The following NPAS3 variants were observed in gnomAD, a reference collection of about 807,000 sequenced individuals.
The protein encoded by NPAS3 is neuronal PAS domain protein 3.
Under a neutral mutation model 73.1 loss-of-function variants are expected in NPAS3, and 14 were observed. The ratio of observed to expected loss-of-function variants is 0.19; its 90% CI spans 0.13 to 0.30. The LOEUF (loss-of-function observed/expected upper bound fraction) is 0.30, where lower values mean the gene tolerates loss of function less well. NPAS3 is among the 10% of genes least tolerant of loss of function. The pLI, the probability that NPAS3 is intolerant of heterozygous loss-of-function variation, is 1.00. For synonymous variants in NPAS3, 620 were observed against 541.5 expected (o/e 1.14, Z -2.01); for missense variants, 1,096 against 1,250.0 (o/e 0.88, Z 1.86).
At chr14:33,298,218 G>A (rs1256357533) in intron 3 of NPAS3, among the ~76,000 whole-genome samples, 1 of 152,172 alleles carries the variant, frequency 6.6e-6, no homozygotes, top group Non-Finnish European at 1.5e-5. Flanking sequence ...AGGAGGTGGA[G>A]GTTGCAGTGA....
At chr14:33,670,304 CTCA>C in intron 5 of NPAS3, among the ~76,000 whole-genome samples, 1 of 152,190 alleles carries the variant, frequency 6.6e-6, no homozygotes, top group Non-Finnish European at 1.5e-5. Context: ...TTCATTCTAT[CTCA>C]TCATTCTGAT....
At chr14:33,199,035 T>C (rs987345050) in intron 2 of NPAS3, among the ~76,000 whole-genome samples, 1 of 152,056 alleles carries the variant, frequency 6.6e-6, no homozygotes, top group Non-Finnish European at 1.5e-5. Context: ...CCGCTCCAAG[T>C]GTGGGGCCCG....
At chr14:33,157,820 T>G (rs965565413) in intron 2 of NPAS3, among the ~76,000 whole-genome samples, 1 of 152,316 alleles carries the variant, frequency 6.6e-6, no homozygotes, top group East Asian at 1.9e-4. Flanking sequence ...GGCAAGCTAC[T>G]TAGTATCCCT....
chr14:33,715,743 C>A (rs1419687929), intron 6 of NPAS3, among the ~76,000 whole-genome samples: 1 of 152,194 alleles, frequency 6.6e-6, no homozygotes, highest in Non-Finnish European at 1.5e-5. Context: ...CCACCCAAAT[C>A]TCATCTTAAC....
intron 3 of NPAS3, among the ~76,000 whole-genome samples, chr14:33,227,193 T>G (rs1353459630): frequency 6.6e-6 from 1 of 152,104 alleles, no homozygotes; most frequent in Non-Finnish European, 1.5e-5. Flanking sequence ...CTAAAGTGCT[T>G]TTCATTATAT....
intron 5 of NPAS3, among the ~76,000 whole-genome samples, chr14:33,598,507 T>G (rs796576865): frequency 6.6e-6 from 1 of 152,256 alleles, no homozygotes; most frequent in Admixed American, 6.5e-5. Context: ...ATCCGAGCAG[T>G]AGGCTTTGAA....
At chr14:33,773,364 T>C (rs2062713172) in intron 7 of NPAS3, among the ~76,000 whole-genome samples, 1 of 152,166 alleles carries the variant, frequency 6.6e-6, no homozygotes, top group South Asian at 2.1e-4. Context: ...CCCCACACTA[T>C]AGCAGAGTCG....
At chr14:33,677,466 T>C (rs1442884871) in intron 6 of NPAS3, among the ~76,000 whole-genome samples, 1 of 152,240 alleles carries the variant, frequency 6.6e-6, no homozygotes, top group African/African-American at 2.4e-5. Context: ...TGATCTGTTG[T>C]TTTAAAATAG....
At chr14:33,247,046 A>G (rs1432613242) in intron 3 of NPAS3, among the ~76,000 whole-genome samples, 1 of 151,934 alleles carries the variant, frequency 6.6e-6, no homozygotes, top group Non-Finnish European at 1.5e-5. Flanking sequence ...AAAGAGAAAG[A>G]AAGAAAGAAA....
At position 33,800,235 on chromosome 14, in the gene NPAS3, C is replaced by T; in HGVS notation, c.1928C>T (p.Ala643Val). 1 of 1,613,002 alleles carries T rather than the reference C, an allele frequency of 6.2e-7. No homozygotes were observed. The highest frequency in any genetic ancestry group is 8.5e-7 in the Non-Finnish European group (1 of 1,179,628). Residue 643 changes from alanine to valine, a missense_variant, in exon 12 of 12, where the codon GCC becomes GTC. Physicochemically the swap from Ala to Val is moderately conservative, Grantham distance 64. This residue lies in a region of NPAS3 where 698 missense variants were observed against 676.7 expected (regional missense o/e 1.03). Transcript: ENST00000356141. The surrounding 1 kb of genome is among the most constrained non-coding windows in gnomAD (Gnocchi z 6.5). ...CGGCTGCTGTCCTCCCCCAACAGTGCCTCGGTGCTCAAGATCAAGACGGAG... is the reference window on the plus strand; with the variant it reads ...CGGCTGCTGTCCTCCCCCAACAGTGTCTCGGTGCTCAAGATCAAGACGGAG...
chr14:33,077,936 G>A (rs1179280567), intron 2 of NPAS3, among the ~76,000 whole-genome samples: 4 of 151,666 alleles, frequency 2.6e-5, no homozygotes, highest in Admixed American at 6.6e-5. Context: ...TCAGGAGTTC[G>A]AGACCAGCCT....
chr14:33,651,546 TAAAA>T (rs545805648), intron 5 of NPAS3, among the ~76,000 whole-genome samples: 1 of 152,038 alleles, frequency 6.6e-6, no homozygotes. Context: ...AATTATATAT[TAAAA>T]AAACCCACAA....
chr14:33,457,669 A>G (rs2050081475), intron 4 of NPAS3, among the ~76,000 whole-genome samples: 2 of 152,104 alleles, frequency 1.3e-5, no homozygotes, highest in South Asian at 4.1e-4. Context: ...GGTCCCCACA[A>G]ACCCATGTCC....
rs189141291 is a variant in NPAS3 at position 33,321,144 on chromosome 14, A to G, written c.386-46042A>G. Among the ~76,000 whole-genome samples, 1,208 of 151,780 alleles carry G rather than the reference A, an allele frequency of 8.0e-3. 7 individuals carry two copies. The highest frequency in any genetic ancestry group is 0.013 in the Non-Finnish European group (879 of 67,730). Reference sequence around the variant, plus strand: ...TTTAGTATAAAAGACTTCCTACCAGACATCAGTCTTCATGGGGGAATAAAA... The same window carrying G: ...TTTAGTATAAAAGACTTCCTACCAGGCATCAGTCTTCATGGGGGAATAAAA... On this transcript the variant is annotated intron_variant, in intron 3 of 11. Coordinates refer to ENST00000356141, the Ensembl canonical transcript of NPAS3.
At chr14:33,575,602 G>A (rs1475296469) in intron 5 of NPAS3, among the ~76,000 whole-genome samples, 1 of 152,182 alleles carries the variant, frequency 6.6e-6, no homozygotes, top group African/African-American at 2.4e-5. Flanking sequence ...GTCTAAGGAT[G>A]ATACAGTCCT....
At chr14:33,280,592 T>C (rs1254059173) in intron 3 of NPAS3, among the ~76,000 whole-genome samples, 1 of 152,152 alleles carries the variant, frequency 6.6e-6, no homozygotes, top group Non-Finnish European at 1.5e-5. Flanking sequence ...TCTGATGCCA[T>C]GTTATGTGGA....
chr14:33,607,137 T>G (rs1468295595), intron 5 of NPAS3, among the ~76,000 whole-genome samples: 1 of 152,202 alleles, frequency 6.6e-6, no homozygotes, highest in Non-Finnish European at 1.5e-5. Flanking sequence ...GTTAAGCATA[T>G]GCATACTATA....
At chr14:33,020,762 G>A (rs2039564739) in intron 1 of NPAS3, among the ~76,000 whole-genome samples, 1 of 149,074 alleles carries the variant, frequency 6.7e-6, no homozygotes, top group African/African-American at 2.5e-5. Flanking sequence ...CAACGTTTTT[G>A]TTTCTTTTTT....
intron 9 of NPAS3, among the ~76,000 whole-genome samples, chr14:33,780,003 G>A (rs773915653): frequency 2.0e-5 from 3 of 152,048 alleles, no homozygotes; most frequent in Non-Finnish European, 4.4e-5. Context: ...TCTTCATTTC[G>A]AACTCAGAAA....
Sources: gnomAD v4.1 joint callset for allele counts (sites outside exome capture counted in the v4.1 genomes callset) on GRCh38, gnomAD v4.1.1 for gene constraint, gnomAD v4.1.1 regional missense constraint, Gnocchi (gnomAD v3.1) non-coding constraint, MANE v1.5 for transcripts, NCBI Gene and HGNC (gene_info 2026-07-23, HGNC 2026-07-21) for gene names.